Variants in CDH13 observed in about 807,000 individuals in gnomAD.
CDH13 encodes cadherin-13.
Under a neutral mutation model 63.8 loss-of-function variants are expected in CDH13, and 24 were observed. The ratio of observed to expected loss-of-function variants is 0.38; its 90% CI spans 0.27 to 0.53. The LOEUF (loss-of-function observed/expected upper bound fraction) is 0.53. Ranked by LOEUF, CDH13 falls within the 20% of genes least tolerant of loss-of-function variation. CDH13 has a pLI of 0.85. For missense variants in CDH13, 1,049 were observed against 903.1 expected (o/e 1.16, Z -2.07); for synonymous variants, 503 against 355.3 (o/e 1.42, Z -4.67).
chr16:83,495,834 C>T (rs149587585), intron 7 of CDH13, among the ~76,000 whole-genome samples: 56 of 152,136 alleles, frequency 3.7e-4, no homozygotes, highest in African/African-American at 1.3e-3. Flanking sequence ...AGAGTTTAGT[C>T]CTCATTATGC....
intron 3 of CDH13, among the ~76,000 whole-genome samples, chr16:83,043,491 GTGTGT>G: frequency 5.3e-5 from 1 of 18,830 alleles, no homozygotes; most frequent in East Asian, 4.0e-3. Context: ...GTATATATGA[GTGTGT>G]GTGTGTGTGT....
Position 83,154,581 on chromosome 16 carries a change from T to A in CDH13, c.483+29080T>A, listed in dbSNP as rs1597431246. Among the ~76,000 whole-genome samples the A allele has an allele frequency of 2.0e-5, 3 of 148,556 alleles. No individual in the cohort carries two copies. In the South Asian group the frequency reaches 6.5e-4, roughly 32 times the overall value. On this transcript the variant is annotated intron_variant, in intron 4 of 13. Transcript: ENST00000567109. ...TCCATCTCAAAAAAAAAAAAAAAAA[T>A]TGTATCTTTTACTAGTGTTATTCAC...
chr16:83,041,566 C>T (rs879314779), intron 3 of CDH13, among the ~76,000 whole-genome samples: 1 of 152,098 alleles, frequency 6.6e-6, no homozygotes, highest in Non-Finnish European at 1.5e-5. Context: ...CTTTTAAATC[C>T]ACTACCTATC....
chr16:82,753,508 G>A (rs1367047758), intron 1 of CDH13, among the ~76,000 whole-genome samples: 3 of 151,948 alleles, frequency 2.0e-5, no homozygotes, highest in Non-Finnish European at 2.9e-5. Flanking sequence ...GTGTATTTAC[G>A]TACTTCCTAG....
intron 1 of CDH13, among the ~76,000 whole-genome samples, chr16:82,697,324 C>T (rs2030421384): frequency 1.3e-5 from 2 of 151,562 alleles, no homozygotes; most frequent in Admixed American, 1.3e-4. Context: ...CTGGTGATTT[C>T]CATCTGAAGA....
chr16:83,476,415 G>A (rs138285036), intron 6 of CDH13, among the ~76,000 whole-genome samples: 2 of 152,338 alleles, frequency 1.3e-5, no homozygotes, highest in African/African-American at 4.8e-5. Context: ...GCTCACACCT[G>A]TAATCCCAGC....
chr16:83,203,424 C>T lies in CDH13; in HGVS notation c.484-13921C>T, dbSNP rs201523674. Reference sequence around the variant, plus strand: ...AAATAAGGCCAGGTGTGGTGGCTCACGCCTGTAATCCCAGCACTTTCGGAG... The same window carrying T: ...AAATAAGGCCAGGTGTGGTGGCTCATGCCTGTAATCCCAGCACTTTCGGAG... On this transcript the variant is annotated intron_variant, in intron 4 of 13. Coordinates refer to ENST00000567109, the MANE Select transcript of CDH13 (RefSeq NM_001257.5). Among the ~76,000 whole-genome samples, 32 of 152,000 alleles carry T rather than the reference C, an allele frequency of 2.1e-4. No individual in the cohort carries two copies. In the East Asian group the frequency reaches 5.6e-3, roughly 27 times the overall value.
intron 11 of CDH13, 81 bp from the exon 12 acceptor site, chr16:83,779,887 A>G (rs1159539146): frequency 1.1e-6 from 1 of 901,304 alleles, no homozygotes; most frequent in African/African-American, 1.7e-5. Flanking sequence ...AAATATACTA[A>G]GTTTACAATG....
intron 8 of CDH13, among the ~76,000 whole-genome samples, chr16:83,609,324 G>T (rs1908649494): frequency 6.6e-6 from 1 of 152,166 alleles, no homozygotes; most frequent in Non-Finnish European, 1.5e-5. Flanking sequence ...GCCCAGGGAA[G>T]CCAAAAGATT....
intron 2 of CDH13, among the ~76,000 whole-genome samples, chr16:82,888,545 C>T (rs557814571): frequency 6.6e-6 from 1 of 152,338 alleles, no homozygotes; most frequent in Admixed American, 6.5e-5. Flanking sequence ...GACAGAAAGC[C>T]TCCTCCATGC....
intron 6 of CDH13, among the ~76,000 whole-genome samples, chr16:83,480,741 G>C (rs971735603): frequency 5.3e-5 from 8 of 152,110 alleles, no homozygotes; most frequent in Non-Finnish European, 5.9e-5. Flanking sequence ...AGAACTATCT[G>C]GTTCTCATTT....
chr16:82,925,264 G>C (rs549173733), intron 2 of CDH13, among the ~76,000 whole-genome samples: 4 of 152,154 alleles, frequency 2.6e-5, no homozygotes, highest in Non-Finnish European at 5.9e-5. Flanking sequence ...GCCCAGAGAG[G>C]TGGCCCCTCA....
intron 5 of CDH13, among the ~76,000 whole-genome samples, chr16:83,305,521 C>T (rs2089854026): frequency 6.6e-6 from 1 of 152,132 alleles, no homozygotes; most frequent in African/African-American, 2.4e-5. Flanking sequence ...TTTCTTTGTA[C>T]AGCGTTGCGG....
intron 6 of CDH13, among the ~76,000 whole-genome samples, chr16:83,357,095 G>T (rs924368942): frequency 6.6e-6 from 1 of 152,010 alleles, no homozygotes; most frequent in African/African-American, 2.4e-5. Context: ...CTATAGTCAA[G>T]CTCTGTATCC....
Position 83,070,866 on chromosome 16 carries a change from C to G in CDH13, c.366+38648C>G, listed in dbSNP as rs965912165. Among the ~76,000 whole-genome samples, 58 of 145,676 alleles carry G rather than the reference C, an allele frequency of 4.0e-4. No homozygotes were observed. The East Asian group carries it at 0.01, about 26-fold the overall frequency. On this transcript the variant is annotated intron_variant, in intron 3 of 13. Coordinates refer to ENST00000567109, the MANE Select transcript of CDH13 (RefSeq NM_001257.5). ...TACAGTAATAAACAGCCCCCCCCCC[C>G]CCAAATATCAATGACCTAAACAACA...
At chr16:83,273,779 A>G (rs939276066) in intron 5 of CDH13, among the ~76,000 whole-genome samples, 2 of 152,090 alleles carry the variant, frequency 1.3e-5, no homozygotes, top group Non-Finnish European at 2.9e-5. Flanking sequence ...TCGTGTTTTT[A>G]TTTTCGTAAC....
rs202158503 is a variant in CDH13, at chr16:82,782,558, A to AT, written c.46-75804_46-75803insT. 6.6e-4 allele frequency among the ~76,000 whole-genome samples: 91 copies of AT among 136,956 alleles called. No individual in the cohort carries two copies. The East Asian group carries it at 9.8e-3, about 15-fold the overall frequency. 89.8% of individuals were successfully genotyped at this position (136,956 alleles called of 152,430 possible). A position where few individuals can be genotyped will look rare whatever the true frequency, so the allele number is the denominator to read the frequency against. ...CAGTGCCAGACTCCATCTCAAAAAA[A>AT]AAAAAAAATAATAATAAACAAATGG... On this transcript the variant is annotated intron_variant, in intron 1 of 13. Transcript: ENST00000567109.
At chr16:82,829,213 C>G (rs984661793) in intron 1 of CDH13, 2 of 152,254 alleles carry the variant, frequency 1.3e-5, no homozygotes, top group African/African-American at 4.8e-5. Flanking sequence ...AGGAGGAACA[C>G]ATCTTTTATT....
intron 1 of CDH13, among the ~76,000 whole-genome samples, chr16:82,770,571 C>T (rs1347239870): frequency 2.0e-5 from 3 of 152,120 alleles, no homozygotes; most frequent in Non-Finnish European, 4.4e-5. Context: ...AATCATTATG[C>T]TTTGAGTTAT....
Sources: allele counts gnomAD v4.1 joint callset (sites outside exome capture counted in the v4.1 genomes callset), GRCh38; gene constraint gnomAD v4.1.1; transcripts MANE v1.5; gene names NCBI Gene and HGNC (gene_info 2026-07-23, HGNC 2026-07-21).